POLRMT: variants seen among roughly 807,000 people sequenced by gnomAD.
POLRMT encodes the protein DNA-directed RNA polymerase, mitochondrial.
A neutral mutation model predicts 132.2 loss-of-function variants in POLRMT; 114 were observed. The observed-to-expected ratio is 0.86, with a 90% CI of 0.74 to 1.01. POLRMT has a LOEUF of 1.01. Ranked by LOEUF, POLRMT falls within the 50% of genes least tolerant of loss-of-function variation. The pLI is 0.00. For missense variants in POLRMT, 2,003 were observed against 1,729.1 expected (o/e 1.16, Z -2.81); for synonymous variants, 1,020 against 773.4 (o/e 1.32, Z -5.29).
chr19:632,751 CTCAGAA>C, intron 2 of POLRMT, 77 bp downstream of exon 2: 1 of 1,253,144 alleles, frequency 8.0e-7, no homozygotes, highest in South Asian at 1.4e-5. Context: ...CTCAGCCTGT[CTCAGAA>C]TCTGAGCCTT....
chr19:622,435 C>T lies in POLRMT; in HGVS notation c.1627-62G>A, dbSNP rs529416585. On this transcript the variant is annotated intron_variant, in intron 8 of 20. Coordinates refer to ENST00000588649, the MANE Select transcript of POLRMT (RefSeq NM_005035.4). Reference sequence around the variant, plus strand: ...GCCCCTGAGCTAGATGCCCCACCGCCCGTGCCTGACGCCCGGTGGGGCATC... The same window carrying T: ...GCCCCTGAGCTAGATGCCCCACCGCTCGTGCCTGACGCCCGGTGGGGCATC... 830 of 1,475,712 alleles carry T rather than the reference C, an allele frequency of 5.6e-4. 7 individuals are homozygous for T. In the African/African-American group the frequency reaches 9.5e-3, roughly 17 times the overall value. 91.4% of individuals were successfully genotyped at this position (1,475,712 alleles called of 1,614,324 possible).
chr19:630,202 AC>A (rs557612575), intron 2 of POLRMT, 34 bp from the exon 3 acceptor site: 132 of 1,534,792 alleles, frequency 8.6e-5, no homozygotes, highest in Non-Finnish European at 1.1e-4. Flanking sequence ...CATGAGAGGG[AC>A]CCCCTCCCCA....
chr19:629,369 C>G lies in POLRMT; in HGVS notation c.822+171G>C, dbSNP rs554459542. ...TTCTCCCTACTTTTTTGGTCATTTTCAAAATTTGAGAGTCACACGTGATTT... is the reference window on the plus strand; with the variant it reads ...TTCTCCCTACTTTTTTGGTCATTTTGAAAATTTGAGAGTCACACGTGATTT... On this transcript the variant is annotated intron_variant, in intron 3 of 20. Coordinates refer to ENST00000588649, the MANE Select transcript of POLRMT (RefSeq NM_005035.4). Among the ~76,000 whole-genome samples the G allele has an allele frequency of 3.2e-4, 49 of 152,084 alleles. 1 individual carries two copies. Among genetic ancestry groups the G allele is most frequent in the Middle Eastern group, 6.8e-3 (2 of 294 alleles).
chr19:626,696 CAA>C (rs59746130), intron 3 of POLRMT, among the ~76,000 whole-genome samples: 5 of 105,044 alleles, frequency 4.8e-5, no homozygotes, highest in African/African-American at 1.7e-4. Context: ...ACTAAAAATA[CAA>C]AAAAAAAAAA....
At chr19:633,327 G>T in intron 1 of POLRMT, 98 bp downstream of exon 1, 2 of 1,333,148 alleles carry the variant, frequency 1.5e-6, no homozygotes, top group East Asian at 3.0e-5. Context: ...ACGCCCAGGT[G>T]CAAAGAGGCA....
intron 5 of POLRMT, 98 bp downstream of exon 5, chr19:624,621 T>G: frequency 7.3e-7 from 1 of 1,370,918 alleles, no homozygotes; most frequent in East Asian, 2.4e-5. Context: ...AGGTGAGCCC[T>G]GGGCACCGGG....
At chr19:630,206 C>T in intron 2 of POLRMT, 38 bp from the exon 3 acceptor site, 1 of 1,533,626 alleles carries the variant, frequency 6.5e-7, no homozygotes. Flanking sequence ...AGAGGGACCC[C>T]CTCCCCATTC....
rs55752843 is a variant in POLRMT at position 620,069 on chromosome 19, G to C, written c.2775C>G (p.Cys925Trp). ...GAGCAGCATAATGCTGCAGGCCGTT[G>C]CAAGAGCCGTCCTGAGGAAGGGGCG... ...SHLPVHQDGS[C>W]NGLQHYAALG... Residue 925 changes from cysteine (C) to tryptophan (W), a missense_variant, in exon 12 of 21, where the codon TGC (cysteine) becomes TGG (tryptophan). Physicochemically the swap from Cys to Trp is radical, Grantham distance 215 (BLOSUM62 -2). Coordinates refer to ENST00000588649, the MANE Select transcript of POLRMT (RefSeq NM_005035.4). 6.8e-5 allele frequency: 105 copies of C among 1,543,098 alleles called. No individual in the cohort carries two copies. The highest frequency in any genetic ancestry group is 2.8e-5 in the Non-Finnish European group (32 of 1,149,200).
rs1430372357 is a variant in POLRMT, at chr19:619,088, C to T, written c.3176G>A (p.Arg1059His). The T allele has an allele frequency of 2.5e-6, 4 of 1,610,984 alleles. No individual in the cohort carries two copies. The highest frequency in any genetic ancestry group is 2.7e-5 in the African/African-American group (2 of 74,636). ...CACAGAGCCCATGTGGGAGATGAGG[C>T]GGGCACTCTCGGTCAGCCAGTGCTG... is the stretch of plus-strand genomic sequence containing the variant. ...AIQHWLTESA[R>H]LISHMGSVVE... Residue 1059 changes from arginine to histidine, a missense_variant, in exon 15 of 21, where the codon CGC (arginine) becomes CAC (histidine). Coordinates refer to ENST00000588649, the MANE Select transcript of POLRMT (RefSeq NM_005035.4).
Position 617,647 on chromosome 19 carries a change from C to T in POLRMT, c.3504G>A (p.Arg1168=), listed in dbSNP as rs753341461. The change falls in exon 19 of 21, where the codon CGG becomes CGA. Residue 1168 remains arginine (R), a synonymous_variant. Coordinates refer to ENST00000588649, the MANE Select transcript of POLRMT (RefSeq NM_005035.4). ...ADVSVMNQVC[R]EQFVRLHSEP... ...CGCTGTGCAAGCGGACAAACTGCTC[C>T]CGGCACACCTGGGCAGGAGTCAGAG... is the stretch of plus-strand genomic sequence containing the variant. 2.5e-6 allele frequency: 4 copies of T among 1,612,502 alleles called. No individual in the cohort carries two copies. The South Asian group carries it at 4.4e-5, about 18-fold the overall frequency.
At chr19:631,156 C>T (rs1985384331) in intron 2 of POLRMT, among the ~76,000 whole-genome samples, 1 of 146,200 alleles carries the variant, frequency 6.8e-6, no homozygotes, top group Non-Finnish European at 1.5e-5. Context: ...AATAATCCAT[C>T]TAAAAAAAAA....
At chr19:633,346 A>T (rs1985567490) in intron 1 of POLRMT, 79 bp downstream of exon 1, 3 of 1,374,300 alleles carry the variant, frequency 2.2e-6, no homozygotes, top group South Asian at 1.8e-5. Context: ...CAAAGGTCAA[A>T]GCGCCAAAGG....
At chr19:632,375 C>G (rs1190662369) in intron 2 of POLRMT, among the ~76,000 whole-genome samples, 1 of 152,196 alleles carries the variant, frequency 6.6e-6, no homozygotes, top group Non-Finnish European at 1.5e-5. Flanking sequence ...CCAGCCAGGC[C>G]AGGACGAGGG....
At chr19:624,030 A>G (rs1258372855) in intron 5 of POLRMT, among the ~76,000 whole-genome samples, 1 of 152,274 alleles carries the variant, frequency 6.6e-6, no homozygotes, top group Non-Finnish European at 1.5e-5. Context: ...AAAAGCTTGT[A>G]CACAAACGTT....
Position 621,202 on chromosome 19 carries a change from C to T in POLRMT, c.2496G>A (p.Pro832=), listed in dbSNP as rs763286166. Reference sequence around the variant, plus strand: ...GCCAATCCAGGCCGTGCGGGCCGAGCGGGCGGCCCTGGGCGAACTCCAGCA... The same window carrying T: ...GCCAATCCAGGCCGTGCGGGCCGAGTGGGCGGCCCTGGGCGAACTCCAGCA... ...RALLEFAQGR[P]LGPHGLDWLK... is the part of the protein sequence containing the mutation. Residue 832 remains proline (P), a synonymous_variant, in exon 10 of 21, where the codon CCG becomes CCA. Coordinates refer to ENST00000588649, the MANE Select transcript of POLRMT (RefSeq NM_005035.4). The T allele has an allele frequency of 3.1e-6, 5 of 1,610,304 alleles. No individual in the cohort carries two copies. The highest frequency in any genetic ancestry group is 2.2e-5 in the South Asian group (2 of 91,010).
intron 2 of POLRMT, among the ~76,000 whole-genome samples, chr19:632,507 C>T (rs1192623128): frequency 6.7e-6 from 1 of 150,082 alleles, no homozygotes; most frequent in South Asian, 2.2e-4. Context: ...CACATCCTGG[C>T]TCTGCACATG....
intron 5 of POLRMT, 120 bp from the exon 6 acceptor site, chr19:623,723 G>T (rs1046865826): frequency 2.4e-6 from 3 of 1,252,034 alleles, no homozygotes; most frequent in African/African-American, 3.0e-5. Context: ...GGTGGCTATC[G>T]CTGACGCGGG....
At chr19:626,869 G>A (rs1293323016) in intron 3 of POLRMT, among the ~76,000 whole-genome samples, 1 of 131,406 alleles carries the variant, frequency 7.6e-6, no homozygotes, top group Non-Finnish European at 1.6e-5. Flanking sequence ...CAGACTTGGA[G>A]ACTCTGTCTT....
Position 623,012 on chromosome 19 carries a change from G to A in POLRMT, c.1291-27C>T, listed in dbSNP as rs942897034. On this transcript the variant is annotated intron_variant, in intron 6 of 20. Coordinates refer to ENST00000588649, the MANE Select transcript of POLRMT (RefSeq NM_005035.4). ...TGCGGGGGATGAACGGGCCCGGTGA[G>A]CCCCGTGGCAGCTGGTGGGACCCAG... The A allele has an allele frequency of 5.0e-6, 8 of 1,606,134 alleles. No homozygotes were observed. The African/African-American group carries it at 8.0e-5, about 16-fold the overall frequency.
Sources: gnomAD v4.1 joint callset for allele counts (sites outside exome capture counted in the v4.1 genomes callset) on GRCh38, gnomAD v4.1.1 for gene constraint, MANE v1.5 for transcripts, NCBI Gene and HGNC (gene_info 2026-07-23, HGNC 2026-07-21) for gene names.